The following PHF24 variants were observed in gnomAD, a reference collection of about 807,000 sequenced individuals.
PHF24 encodes the protein Galpha inhibitory interacting protein.
A neutral mutation model predicts 42.6 loss-of-function variants in PHF24; 25 were observed. The observed-to-expected ratio is 0.59, with a 90% CI of 0.43 to 0.82. The LOEUF is 0.82. Among genes scored for constraint, PHF24 ranks in the 40% least tolerant of loss-of-function variants. PHF24 has a pLI of 0.00. For synonymous variants in PHF24, 185 were observed against 204.8 expected (o/e 0.90, Z 0.83); for missense variants, 470 against 538.1 (o/e 0.87, Z 1.25).
At chr9:34,857,133 G>A in the PHF24 span, among the ~76,000 whole-genome samples, 8 of 152,128 alleles carry the variant, frequency 5.3e-5, no homozygotes, top group Non-Finnish European at 1.0e-4. Flanking sequence ...CAGAGATGGC[G>A]GCCACTCTTC....
the PHF24 span, among the ~76,000 whole-genome samples, chr9:34,839,094 T>G: frequency 1.2e-4 from 19 of 152,342 alleles, no homozygotes; most frequent in African/African-American, 4.1e-4. Flanking sequence ...CTATCCAGTC[T>G]GTGTGGCCTC....
At chr9:34,834,112 T>C in the PHF24 span, 132,088 of 1,171,484 alleles carry the variant, frequency 0.11, 15,832 homozygotes, top group East Asian at 0.45. Context: ...GATGTAGGTC[T>C]GGGTCACTTG....
At chr9:34,684,861 G>C in the PHF24 span, among the ~76,000 whole-genome samples, 7 of 152,156 alleles carry the variant, frequency 4.6e-5, no homozygotes, top group African/African-American at 1.7e-4. Flanking sequence ...ACCTCTGCCA[G>C]GTTGGAGCCG....
At chr9:34,919,241 A>G in the PHF24 span, among the ~76,000 whole-genome samples, 3 of 152,216 alleles carry the variant, frequency 2.0e-5, no homozygotes, top group African/African-American at 7.2e-5. Context: ...ACAATGTGTA[A>G]TGACCAAATT....
the PHF24 span, among the ~76,000 whole-genome samples, chr9:34,676,352 C>T: frequency 2.0e-5 from 3 of 152,136 alleles, no homozygotes; most frequent in Non-Finnish European, 4.4e-5. Context: ...GGGGAAACCA[C>T]ATCTCTACAA....
the PHF24 span, among the ~76,000 whole-genome samples, chr9:34,731,381 A>C: frequency 6.6e-6 from 1 of 152,088 alleles, no homozygotes; most frequent in African/African-American, 2.4e-5. Flanking sequence ...TATTTATTCT[A>C]TCTAATTATA....
chr9:34,786,518 C>G, the PHF24 span, among the ~76,000 whole-genome samples: 1 of 152,114 alleles, frequency 6.6e-6, no homozygotes, highest in Non-Finnish European at 1.5e-5. Flanking sequence ...CCCACTCTGC[C>G]GTGATATTTG....
At chr9:34,785,692 C>T in the PHF24 span, among the ~76,000 whole-genome samples, 1 of 152,148 alleles carries the variant, frequency 6.6e-6, no homozygotes, top group Admixed American at 6.5e-5. Flanking sequence ...CTTAGGGTGT[C>T]AGGTCACCAT....
chr9:34,901,933 G>A, the PHF24 span, among the ~76,000 whole-genome samples: 12 of 152,242 alleles, frequency 7.9e-5, no homozygotes, highest in Non-Finnish European at 1.6e-4. Flanking sequence ...TAGTGTGGGG[G>A]TAAAGAAGAA....
chr9:34,765,876 G>A, the PHF24 span, among the ~76,000 whole-genome samples: 1 of 152,044 alleles, frequency 6.6e-6, no homozygotes, highest in East Asian at 1.9e-4. Flanking sequence ...TCCTTCAGGA[G>A]CTCTTTTAGG....
the PHF24 span, among the ~76,000 whole-genome samples, chr9:34,768,123 C>G: frequency 6.6e-6 from 1 of 152,178 alleles, no homozygotes; most frequent in Non-Finnish European, 1.5e-5. Context: ...GCGCATACTA[C>G]ATTATTTCAC....
the PHF24 span, chr9:34,922,968 G>C: frequency 1.7e-6 from 2 of 1,179,380 alleles, no homozygotes; most frequent in Non-Finnish European, 2.3e-6. Context: ...GCATGGCCTC[G>C]CCCCAGTCTA....
the PHF24 span, among the ~76,000 whole-genome samples, chr9:34,947,744 G>C: frequency 6.6e-6 from 1 of 152,090 alleles, no homozygotes; most frequent in Non-Finnish European, 1.5e-5. Flanking sequence ...GTAGGCCTAG[G>C]CTAATGCGTG....
the PHF24 span, among the ~76,000 whole-genome samples, chr9:34,720,754 T>C: frequency 2.0e-5 from 3 of 152,198 alleles, no homozygotes; most frequent in Non-Finnish European, 4.4e-5. Context: ...TCTTGCGCAG[T>C]CTCCATGCAT....
At chr9:34,798,451 T>C in the PHF24 span, among the ~76,000 whole-genome samples, 1 of 152,210 alleles carries the variant, frequency 6.6e-6, no homozygotes, top group African/African-American at 2.4e-5. Context: ...CACTTACAAG[T>C]GAGAACATAT....
At chr9:34,973,180 G>T (rs1229525959) in intron 3 of PHF24, among the ~76,000 whole-genome samples, 1 of 152,108 alleles carries the variant, frequency 6.6e-6, no homozygotes, top group African/African-American at 2.4e-5. Context: ...AAGTAATTCT[G>T]CTTGGAGCAG....
At chr9:34,693,559 T>C in the PHF24 span, among the ~76,000 whole-genome samples, 3 of 152,226 alleles carry the variant, frequency 2.0e-5, no homozygotes, top group Admixed American at 1.3e-4. Context: ...GCAAACTGCA[T>C]TTTCACATAC....
the PHF24 span, among the ~76,000 whole-genome samples, chr9:34,687,600 G>A: frequency 6.6e-6 from 1 of 152,146 alleles, no homozygotes; most frequent in Non-Finnish European, 1.5e-5. Flanking sequence ...AGCGTCCAGG[G>A]GCCCCTATCC....
intron 1 of PHF24, among the ~76,000 whole-genome samples, chr9:34,965,585 C>T (rs997053431): frequency 6.6e-6 from 1 of 152,184 alleles, no homozygotes; most frequent in South Asian, 2.1e-4. Flanking sequence ...GGATAAACTC[C>T]CAAAACCATT....
Sources: allele counts gnomAD v4.1 joint callset (sites outside exome capture counted in the v4.1 genomes callset), GRCh38; gene constraint gnomAD v4.1.1; transcripts MANE v1.5; gene names NCBI Gene and HGNC (gene_info 2026-07-23, HGNC 2026-07-21).